The following PIGG variants were observed in gnomAD, a reference collection of about 807,000 sequenced individuals.
The protein encoded by PIGG is GPI ethanolamine phosphate transferase 2, catalytic subunit.
In PIGG, 70 loss-of-function variants were observed where a neutral mutation model predicts 83.2. The ratio of observed to expected loss-of-function variants is 0.84; its 90% CI spans 0.69 to 1.03. PIGG has a LOEUF of 1.03. Ranked by LOEUF, PIGG falls within the 50% of genes least tolerant of loss-of-function variation. The probability of loss-of-function intolerance (pLI) is 0.00; values close to 1 mark genes in which losing one functional copy is unlikely to be tolerated. For synonymous variants in PIGG, 532 were observed against 519.5 expected (o/e 1.02, Z -0.33); for missense variants, 1,257 against 1,233.6 (o/e 1.02, Z -0.28).
Position 507,387 on chromosome 4 carries a change from T to C in PIGG, c.571-18T>C. 1 of 1,589,760 alleles carries C rather than the reference T, an allele frequency of 6.3e-7. No homozygotes were observed. The highest frequency in any genetic ancestry group is 8.6e-7 in the Non-Finnish European group (1 of 1,162,740). Reference sequence around the variant, plus strand: ...GGAAATTAGGTGAGTTGTTTATACGTGTGTTTCCCCTTCAAAGGTGGATAA... The same window carrying C: ...GGAAATTAGGTGAGTTGTTTATACGCGTGTTTCCCCTTCAAAGGTGGATAA... On this transcript the variant is annotated intron_variant, in intron 3 of 12. Transcript: ENST00000453061.
At position 508,853 on chromosome 4, in the gene PIGG, T is replaced by C; in HGVS notation, c.784T>C (p.Leu262=). ...GGAGAGAGAGACGCCTTTACCCAAT[T>C]TGCTGGTTCTTTGTGGTGACCATGG... ...SKERETPLPN[L]LVLCGDHGMS... The change falls in exon 5 of 13, where the codon TTG becomes CTG. Residue 262 remains leucine (L), a synonymous_variant. Transcript: ENST00000453061. 1.2e-6 allele frequency: 2 copies of C among 1,614,154 alleles called. No homozygotes were observed. The highest frequency in any genetic ancestry group is 1.7e-6 in the Non-Finnish European group (2 of 1,179,996).
Position 508,684 on chromosome 4 carries a change from A to G in PIGG, c.760-145A>G, listed in dbSNP as rs1256778379. 3 of 630,418 alleles carry G rather than the reference A, an allele frequency of 4.8e-6. No individual in the cohort carries two copies. The Admixed American group carries it at 8.3e-5, about 17-fold the overall frequency. 39.1% of individuals were successfully genotyped at this position (630,418 alleles called of 1,614,324 possible). A position where few individuals can be genotyped will look rare whatever the true frequency, so the allele number is the denominator to read the frequency against. On this transcript the variant is annotated intron_variant, in intron 4 of 12. Coordinates refer to ENST00000453061, the MANE Select transcript of PIGG (RefSeq NM_001127178.3). ...TTGACTGTGACCCTGTGATCTGGCTATGAGCTCATAGGAAAAAAAAATCTA... is the reference window on the plus strand; with the variant it reads ...TTGACTGTGACCCTGTGATCTGGCTGTGAGCTCATAGGAAAAAAAAATCTA...
In PIGG at chr4:508,908, C is replaced by T. The variant is rs1239778620; in HGVS notation, c.839C>T (p.Ser280Phe). 3 of 1,613,456 alleles carry T rather than the reference C, an allele frequency of 1.9e-6. No homozygotes were observed. The highest frequency in any genetic ancestry group is 1.3e-5 in the African/African-American group (1 of 74,890). Reference protein sequence around the residue: ...GMSETGSHGASSTEEVNTPLI... With the variant: ...GMSETGSHGAFSTEEVNTPLI... ...TCTGAAACAGGAAGTCACGGGGCCT[C>T]CTCCACCGAGGAGGTGAATACACCT... The change falls in exon 5 of 13, where the codon TCC (serine) becomes TTC (phenylalanine). Residue 280 changes from serine (S) to phenylalanine (F), a missense_variant. Transcript: ENST00000453061.
intron 9 of PIGG, among the ~76,000 whole-genome samples, chr4:526,591 TG>T (rs1727680936): frequency 6.6e-6 from 1 of 152,196 alleles, no homozygotes; most frequent in Non-Finnish European, 1.5e-5. Flanking sequence ...GGTGCAGGGC[TG>T]ACCCCGAGAG....
At chr4:521,560 A>T in intron 7 of PIGG, 100 bp from the exon 8 acceptor site, 2 of 1,129,320 alleles carry the variant, frequency 1.8e-6, no homozygotes, top group Non-Finnish European at 2.5e-6. Context: ...TTCTGTTTTT[A>T]CTGTGTGGAC....
rs536289163 is a variant in PIGG at position 539,390 on chromosome 4, A to T, written c.*21A>T. On this transcript the variant is annotated 3_prime_UTR_variant, in exon 13 of 13. Coordinates refer to ENST00000453061, the MANE Select transcript of PIGG (RefSeq NM_001127178.3). Reference sequence around the variant, plus strand: ...CTTAGACTAAGCTGAACACTGGAAAAATAATACATGCTTAAAGTCTGCTGT... The same window carrying T: ...CTTAGACTAAGCTGAACACTGGAAATATAATACATGCTTAAAGTCTGCTGT... 2.9e-6 allele frequency: 4 copies of T among 1,377,566 alleles called. No homozygotes were observed. Among genetic ancestry groups the T allele is most frequent in the South Asian group, 2.4e-5 (2 of 83,664 alleles). The allele number at this position is 1,377,566 out of a possible 1,614,324, so 85.3% of individuals were successfully genotyped here. A position where few individuals can be genotyped will look rare whatever the true frequency, so the allele number is the denominator to read the frequency against.
intron 10 of PIGG, among the ~76,000 whole-genome samples, chr4:529,973 T>C (rs916331803): frequency 3.3e-5 from 5 of 152,252 alleles, no homozygotes; most frequent in Non-Finnish European, 1.5e-5. Context: ...TATAACTGCA[T>C]GTATGTGTAC....
chr4:517,738 A>T (rs1328905883), intron 6 of PIGG, among the ~76,000 whole-genome samples: 1 of 150,366 alleles, frequency 6.7e-6, no homozygotes, highest in African/African-American at 2.4e-5. Flanking sequence ...TAGGAGGTGG[A>T]GTTGCCTGAG....
At chr4:522,294 G>A (rs1726207127) in intron 8 of PIGG, 1 of 523,336 alleles carries the variant, frequency 1.9e-6, no homozygotes, top group African/African-American at 1.9e-5. Flanking sequence ...CAGCAGAGGT[G>A]TGGGAGCTGC....
In PIGG at chr4:521,917, C is replaced by A. The variant is rs752835035; in HGVS notation, c.1590C>A (p.Leu530=). 6.2e-7 allele frequency: 1 copy of A among 1,614,132 alleles called. No homozygotes were observed. The highest frequency in any genetic ancestry group is 8.5e-7 in the Non-Finnish European group (1 of 1,180,044). The change falls in exon 8 of 13, where the codon CTC becomes CTA. Residue 530 remains leucine (L), a synonymous_variant. Coordinates refer to ENST00000453061, the MANE Select transcript of PIGG (RefSeq NM_001127178.3). ...TTGTGTCTGTTCTGACCAACGTGCT[C>A]GTGGGTGGAAACACCCCAAGGAAGG... is the stretch of plus-strand genomic sequence containing the variant. ...CVIVSVLTNV[L]VGGNTPRKNP... is the part of the protein sequence containing the mutation.
Position 528,582 on chromosome 4 carries a change from A to T in PIGG, c.2261+1352A>T. ...TGGGGCAGAGAGGATGCTGACGTGCAGGTACCAGCGGTGTTCTGTGGAGAT... is the reference window on the plus strand; with the variant it reads ...TGGGGCAGAGAGGATGCTGACGTGCTGGTACCAGCGGTGTTCTGTGGAGAT... On this transcript the variant is annotated intron_variant, in intron 10 of 12. Transcript: ENST00000453061. This position sits in a 1 kb window ranked among gnomAD's most constrained non-coding sequence, Gnocchi z 4.8. 1.0e-6 allele frequency: 1 copy of T among 985,404 alleles called. No individual in the cohort carries two copies. The highest frequency in any genetic ancestry group is 1.2e-6 in the Non-Finnish European group (1 of 829,918). 61.0% of individuals were successfully genotyped at this position (985,404 alleles called of 1,614,324 possible). A position where few individuals can be genotyped will look rare whatever the true frequency, so the allele number is the denominator to read the frequency against.
intron 10 of PIGG, 27 bp downstream of exon 10, chr4:527,257 A>C: frequency 2.6e-6 from 4 of 1,545,400 alleles, no homozygotes; most frequent in South Asian, 1.3e-5. Context: ...CACGGGGTGC[A>C]TAGAGCCACT....
intron 12 of PIGG, among the ~76,000 whole-genome samples, chr4:535,175 A>T (rs1036512891): frequency 6.6e-6 from 1 of 152,056 alleles, no homozygotes; most frequent in Non-Finnish European, 1.5e-5. Flanking sequence ...GTACCTCCCA[A>T]CTTGGTCTGG....
chr4:514,819 A>G lies in PIGG; in HGVS notation c.902-1154A>G, dbSNP rs116543288. Among the ~76,000 whole-genome samples, 679 of 152,332 alleles carry G rather than the reference A, an allele frequency of 4.5e-3. 3 individuals are homozygous for G. Among genetic ancestry groups the G allele is most frequent in the African/African-American group, 0.015 (636 of 41,568 alleles). ...TGGCTTTATCCCGCAATAGACACGC[A>G]ACAGTCTCAGAATAACAATGCCAGT... On this transcript the variant is annotated intron_variant, in intron 5 of 12. Coordinates refer to ENST00000453061, the MANE Select transcript of PIGG (RefSeq NM_001127178.3).
chr4:532,348 T>C (rs1330522009), intron 11 of PIGG: 1 of 152,288 alleles, frequency 6.6e-6, no homozygotes, highest in African/African-American at 2.4e-5. Context: ...AGAGCCACAG[T>C]GACCTCCTAG....
intron 5 of PIGG, among the ~76,000 whole-genome samples, chr4:512,307 C>T (rs1384055307): frequency 4.0e-5 from 6 of 150,390 alleles, no homozygotes; most frequent in Non-Finnish European, 8.9e-5. Context: ...GCCACCTCCG[C>T]CTCCCGGGTT....
chr4:500,630 A>G lies in PIGG; in HGVS notation c.360+29A>G, dbSNP rs782728806. 3.6e-6 allele frequency: 5 copies of G among 1,406,222 alleles called. No homozygotes were observed. The East Asian group carries it at 9.1e-5, about 26-fold the overall frequency. 87.1% of individuals were successfully genotyped at this position (1,406,222 alleles called of 1,614,324 possible). A position where few individuals can be genotyped will look rare whatever the true frequency, so the allele number is the denominator to read the frequency against. ...AGTTTGCCTTAATGTTTTATGAATCATGGTTTGGCTGTTTTGAAGATTTAG... is the reference window on the plus strand; with the variant it reads ...AGTTTGCCTTAATGTTTTATGAATCGTGGTTTGGCTGTTTTGAAGATTTAG... On this transcript the variant is annotated intron_variant, in intron 2 of 12. Coordinates refer to ENST00000453061, the MANE Select transcript of PIGG (RefSeq NM_001127178.3).
In PIGG at chr4:523,606, G is replaced by A; in HGVS notation, c.1762G>A (p.Ala588Thr). 1 of 1,614,208 alleles carries A rather than the reference G, an allele frequency of 6.2e-7. No homozygotes were observed. Among genetic ancestry groups the A allele is most frequent in the Non-Finnish European group, 8.5e-7 (1 of 1,180,040 alleles). ...CTTCCTTGTGAACACCCTGTGTCTAGCTCTGAGCCAAGAAACCTACAGAAA... is the reference window on the plus strand; with the variant it reads ...CTTCCTTGTGAACACCCTGTGTCTAACTCTGAGCCAAGAAACCTACAGAAA... ...WYFLVNTLCL[A>T]LSQETYRNYF... Residue 588 changes from alanine to threonine, a missense_variant, in exon 9 of 13, where the codon GCT becomes ACT. Ala to Thr is a moderately conservative substitution (Grantham distance 58, BLOSUM62 0). Transcript: ENST00000453061.
At position 520,048 on chromosome 4, in the gene PIGG, G is replaced by A. The variant is rs373929172; in HGVS notation, c.1115-1008G>A. The stretch of plus-strand genomic sequence containing the variant: ...CAGTGGGGCGGGCCTGCAGGCGTAT[G>A]AGTTCATGCTCAGGGACTTGTGCCA... On this transcript the variant is annotated intron_variant, in intron 6 of 12. Transcript: ENST00000453061. Among the ~76,000 whole-genome samples, 7 of 152,336 alleles carry A rather than the reference G, an allele frequency of 4.6e-5. No individual in the cohort carries two copies. The South Asian group carries it at 6.2e-4, about 14-fold the overall frequency.
Sources: allele counts gnomAD v4.1 joint callset (sites outside exome capture counted in the v4.1 genomes callset), GRCh38; gene constraint gnomAD v4.1.1; non-coding constraint Gnocchi (gnomAD v3.1); transcripts MANE v1.5; gene names NCBI Gene and HGNC (gene_info 2026-07-23, HGNC 2026-07-21).